NAALADL2: variants seen among roughly 807,000 people sequenced by gnomAD.
NAALADL2 encodes the protein N-acetylated alpha-linked acidic dipeptidase like 2.
Under a neutral mutation model 87.2 loss-of-function variants are expected in NAALADL2, and 76 were observed. The ratio of observed to expected loss-of-function variants is 0.87; its 90% CI spans 0.72 to 1.05. The LOEUF is 1.05. Among genes scored for constraint, NAALADL2 ranks in the 50% least tolerant of loss-of-function variants. The pLI is 0.00. For synonymous variants in NAALADL2, 354 were observed against 331.0 expected, an observed-to-expected ratio of 1.07 and a Z score of -0.75; for missense variants, 1,089 against 945.8, an observed-to-expected ratio of 1.15 and a Z score of -1.99.
At chr3:174,726,349 G>C (rs1473399168) in intron 2 of NAALADL2, among the ~76,000 whole-genome samples, 1 of 152,100 alleles carries the variant, frequency 6.6e-6, no homozygotes, top group African/African-American at 2.4e-5. Flanking sequence ...AGGCTGTGCA[G>C]GTCCAAGAAC....
chr3:175,452,916 G>A (rs1043093863), intron 6 of NAALADL2, among the ~76,000 whole-genome samples: 3 of 152,028 alleles, frequency 2.0e-5, no homozygotes, highest in Non-Finnish European at 4.4e-5. Flanking sequence ...GTGCAGGCTG[G>A]GCTTACCAAA....
intron 1 of NAALADL2, among the ~76,000 whole-genome samples, chr3:174,875,214 A>G (rs1728354377): frequency 6.6e-6 from 1 of 151,898 alleles, no homozygotes; most frequent in Admixed American, 6.6e-5. Context: ...TCATGTTATC[A>G]ACCTCTCCAA....
chr3:175,491,443 G>A (rs1216611121), intron 9 of NAALADL2, among the ~76,000 whole-genome samples: 1 of 151,804 alleles, frequency 6.6e-6, no homozygotes, highest in African/African-American at 2.4e-5. Flanking sequence ...GCCTTTATGT[G>A]TTTTAAATTT....
chr3:175,651,023 A>G (rs1215830725), intron 11 of NAALADL2, among the ~76,000 whole-genome samples: 1 of 152,218 alleles, frequency 6.6e-6, no homozygotes, highest in Non-Finnish European at 1.5e-5. Context: ...TACAAACAAA[A>G]AAATATTAGT....
At chr3:175,271,892 A>G (rs1478287692) in intron 4 of NAALADL2, among the ~76,000 whole-genome samples, 1 of 152,228 alleles carries the variant, frequency 6.6e-6, no homozygotes, top group Non-Finnish European at 1.5e-5. Context: ...CTGATTAAAT[A>G]CTGGAAAAAC....
intron 11 of NAALADL2, among the ~76,000 whole-genome samples, chr3:175,730,115 T>G (rs1743473960): frequency 2.6e-5 from 4 of 151,928 alleles, no homozygotes; most frequent in Admixed American, 2.0e-4. Flanking sequence ...GTCCACTCAA[T>G]ATATGACAAA....
chr3:174,788,189 A>G (rs544081904), intron 3 of NAALADL2, among the ~76,000 whole-genome samples: 1 of 152,292 alleles, frequency 6.6e-6, no homozygotes, highest in African/African-American at 2.4e-5. Flanking sequence ...GGACAATGAG[A>G]TATTCCAAAA....
chr3:174,598,098 T>A (rs1351654754), intron 2 of NAALADL2, among the ~76,000 whole-genome samples: 6 of 152,136 alleles, frequency 3.9e-5, no homozygotes, highest in Non-Finnish European at 1.5e-5. Context: ...AAGAACTGAA[T>A]AAACTTGACT....
intron 10 of NAALADL2, among the ~76,000 whole-genome samples, chr3:175,608,999 T>A (rs1036145797): frequency 2.7e-4 from 1 of 3,770 alleles, no homozygotes; most frequent in Non-Finnish European, 2.6e-3. Flanking sequence ...CAGTGTGATT[T>A]TTTTTTTTTT....
chr3:175,777,703 G>C (rs968543554), intron 13 of NAALADL2, among the ~76,000 whole-genome samples: 1 of 151,962 alleles, frequency 6.6e-6, no homozygotes. Context: ...CTCTGCCTAG[G>C]GTTGTTGGCA....
intron 11 of NAALADL2, among the ~76,000 whole-genome samples, chr3:175,652,156 G>A (rs1463325101): frequency 6.6e-6 from 1 of 152,090 alleles, no homozygotes; most frequent in Non-Finnish European, 1.5e-5. Context: ...AGAGCATTTT[G>A]AATGAGTTAA....
At chr3:175,535,503 G>T (rs917471292) in intron 9 of NAALADL2, among the ~76,000 whole-genome samples, 1 of 152,134 alleles carries the variant, frequency 6.6e-6, no homozygotes, top group African/African-American at 2.4e-5. Context: ...AGTTTACATG[G>T]CCTAACACCT....
intron 1 of NAALADL2, among the ~76,000 whole-genome samples, chr3:174,971,823 G>A (rs565837429): frequency 6.6e-6 from 1 of 151,992 alleles, no homozygotes; most frequent in East Asian, 1.9e-4. Context: ...TCAGCTTCCC[G>A]GGTAGCTGCA....
chr3:175,108,155 A>G (rs1410377508), intron 2 of NAALADL2, among the ~76,000 whole-genome samples: 1 of 144,562 alleles, frequency 6.9e-6, no homozygotes, highest in Non-Finnish European at 1.5e-5. Flanking sequence ...GTAATGAATT[A>G]AATCCAAATG....
chr3:175,261,196 A>G (rs1404802377), intron 4 of NAALADL2, among the ~76,000 whole-genome samples: 1 of 152,128 alleles, frequency 6.6e-6, no homozygotes, highest in Admixed American at 6.5e-5. Context: ...ATGTACTCAC[A>G]TTTCTCTCAG....
chr3:175,618,079 C>T (rs976015807), intron 10 of NAALADL2, among the ~76,000 whole-genome samples: 1 of 152,316 alleles, frequency 6.6e-6, no homozygotes, highest in South Asian at 2.1e-4. Context: ...AGGGCAACCT[C>T]CTTCTCAGCA....
rs553721812 is a variant in NAALADL2 at position 175,539,288 on chromosome 3, A to G, written c.1654-36753A>G. Among the ~76,000 whole-genome samples the G allele has an allele frequency of 7.0e-4, 106 of 152,302 alleles. 1 individual carries two copies. The highest frequency in any genetic ancestry group is 4.3e-3 in the South Asian group (21 of 4,830). ...AAAGCTAAATTGGTTAGATTTCTAC[A>G]GTAAAGTTGAACACCACCTTGACAA... On this transcript the variant is annotated intron_variant, in intron 9 of 13. Coordinates refer to ENST00000454872, the MANE Select transcript of NAALADL2 (RefSeq NM_207015.3).
intron 11 of NAALADL2, among the ~76,000 whole-genome samples, chr3:175,634,239 A>C (rs1304177158): frequency 6.6e-6 from 1 of 151,946 alleles, no homozygotes; most frequent in Non-Finnish European, 1.5e-5. Flanking sequence ...GAGTCGATTA[A>C]CCTTGGTCTC....
chr3:175,560,552 G>T (rs1387444146), intron 9 of NAALADL2, among the ~76,000 whole-genome samples: 1 of 151,712 alleles, frequency 6.6e-6, no homozygotes, highest in Non-Finnish European at 1.5e-5. Flanking sequence ...AGTTCTTTCA[G>T]ATGCATCATT....
Sources: allele counts gnomAD v4.1 joint callset (sites outside exome capture counted in the v4.1 genomes callset), GRCh38; gene constraint gnomAD v4.1.1; transcripts MANE v1.5; gene names NCBI Gene and HGNC (gene_info 2026-07-23, HGNC 2026-07-21).